Variants in WASHC4 observed in about 807,000 individuals in gnomAD.
The protein encoded by WASHC4 is WASH complex subunit 7.
In WASHC4, 86 loss-of-function variants were observed where a neutral mutation model predicts 166.6. The ratio of observed to expected loss-of-function variants is 0.52; its 90% CI spans 0.43 to 0.62. WASHC4 has a LOEUF of 0.62. WASHC4 is among the 20% of genes least tolerant of loss of function. The pLI is 0.00. For synonymous variants in WASHC4, 446 were observed against 451.6 expected, an observed-to-expected ratio of 0.99 and a Z score of 0.16; for missense variants, 1,262 against 1,382.4, an observed-to-expected ratio of 0.91 and a Z score of 1.38.
chr12:105,145,618 A>C (rs958950210), intron 22 of WASHC4, among the ~76,000 whole-genome samples: 8 of 152,094 alleles, frequency 5.3e-5, no homozygotes, highest in African/African-American at 1.9e-4. Flanking sequence ...AACTATGTTT[A>C]GGAATACAAA....
chr12:105,109,409 A>G (rs1438920364), intron 1 of WASHC4, among the ~76,000 whole-genome samples: 1 of 152,206 alleles, frequency 6.6e-6, no homozygotes, highest in Admixed American at 6.5e-5. Flanking sequence ...AAGATAAAAC[A>G]AGGAGTGCAG....
rs572588579 is a variant in WASHC4, at chr12:105,161,787, A to G, written c.3061-962A>G. Reference sequence around the variant, plus strand: ...CTTGGTTTTGTTTCCAGCGTAGGCTATTATAGTACTTAGCACACTGTATAT... The same window carrying G: ...CTTGGTTTTGTTTCCAGCGTAGGCTGTTATAGTACTTAGCACACTGTATAT... On this transcript the variant is annotated intron_variant, in intron 29 of 32. Transcript: ENST00000332180. Among the ~76,000 whole-genome samples, 5 of 152,326 alleles carry G rather than the reference A, an allele frequency of 3.3e-5. No homozygotes were observed. The South Asian group carries it at 6.2e-4, about 19-fold the overall frequency.
chr12:105,166,741 T>C (rs1357331643), intron 32 of WASHC4, 123 bp from the exon 33 acceptor site: 15 of 714,978 alleles, frequency 2.1e-5, no homozygotes, highest in Middle Eastern at 4.9e-4. Context: ...AGAGAAACAT[T>C]TGATGGATGC....
intron 6 of WASHC4, among the ~76,000 whole-genome samples, chr12:105,116,288 G>C (rs1880174625): frequency 6.6e-6 from 1 of 152,146 alleles, no homozygotes; most frequent in Non-Finnish European, 1.5e-5. Flanking sequence ...AATACCCATA[G>C]TCCCACCTCC....
chr12:105,165,300 G>A (rs1168236629), intron 32 of WASHC4, among the ~76,000 whole-genome samples: 1 of 152,208 alleles, frequency 6.6e-6, no homozygotes, highest in East Asian at 1.9e-4. Flanking sequence ...TGTATTCTAT[G>A]TAGGATGGTG....
chr12:105,152,310 TTA>T, intron 25 of WASHC4, 31 bp from the exon 26 acceptor site: 1 of 1,080,130 alleles, frequency 9.3e-7, no homozygotes, highest in East Asian at 2.4e-5. Context: ...TTAGAAATCT[TTA>T]TTAAAAGTAG....
At chr12:105,142,044 TTC>T (rs1373325037) in intron 18 of WASHC4, among the ~76,000 whole-genome samples, 5 of 151,908 alleles carry the variant, frequency 3.3e-5, no homozygotes, top group African/African-American at 1.2e-4. Context: ...AGATTTTTCT[TTC>T]CAACTTAGAG....
At chr12:105,118,936 G>T (rs1021787821) in intron 7 of WASHC4, among the ~76,000 whole-genome samples, 1 of 152,184 alleles carries the variant, frequency 6.6e-6, no homozygotes, top group African/African-American at 2.4e-5. Flanking sequence ...AAGAAATTTT[G>T]TGAGTAGTTC....
At chr12:105,161,834 TC>T (rs1243368177) in intron 29 of WASHC4, among the ~76,000 whole-genome samples, 1 of 152,242 alleles carries the variant, frequency 6.6e-6, no homozygotes, top group Non-Finnish European at 1.5e-5. Flanking sequence ...TTTAAACACT[TC>T]TGCATTTACT....
chr12:105,109,189 T>G (rs1017519209), intron 1 of WASHC4, among the ~76,000 whole-genome samples: 1 of 152,194 alleles, frequency 6.6e-6, no homozygotes, highest in Non-Finnish European at 1.5e-5. Context: ...TAATTTTTTT[T>G]TGTGGAGGGG....
At chr12:105,131,248 G>A (rs970081031) in intron 13 of WASHC4, among the ~76,000 whole-genome samples, 15 of 150,768 alleles carry the variant, frequency 9.9e-5, no homozygotes, top group Admixed American at 2.6e-4. Flanking sequence ...CACCGCGCCC[G>A]GCTAATTTTT....
intron 1 of WASHC4, among the ~76,000 whole-genome samples, chr12:105,108,093 T>A (rs1018524876): frequency 2.6e-5 from 4 of 152,086 alleles, no homozygotes; most frequent in Non-Finnish European, 5.9e-5. Context: ...AGGCGGAGAC[T>A]CTCCTGGGGA....
At chr12:105,164,439 T>G in intron 31 of WASHC4, 132 bp downstream of exon 31, 1 of 908,260 alleles carries the variant, frequency 1.1e-6, no homozygotes. Context: ...GCAAAAAGAT[T>G]ATATTTTAAA....
At chr12:105,116,126 A>G (rs1215726768) in intron 6 of WASHC4, among the ~76,000 whole-genome samples, 3 of 152,110 alleles carry the variant, frequency 2.0e-5, no homozygotes, top group Non-Finnish European at 2.9e-5. Flanking sequence ...AGCTTGTTTC[A>G]GTTTAGATAG....
rs374253707 is a variant in WASHC4, at chr12:105,141,042, A to C, written c.1704A>C (p.Gln568His). 1.5e-5 allele frequency: 24 copies of C among 1,614,060 alleles called. No individual in the cohort carries two copies. The highest frequency in any genetic ancestry group is 1.9e-5 in the Non-Finnish European group (22 of 1,180,014). Residue 568 changes from glutamine (Q) to histidine (H), a missense_variant, in exon 17 of 33, where the codon CAA becomes CAC. Gln to His is a conservative substitution (Grantham distance 24). Transcript: ENST00000332180. ...IVSLALSVGT[Q>H]MKTFKDEELF... ...CTTTGGCACTAAGTGTTGGCACACAAATGGTAAGTGTATTGCTATTACTTA... is the reference window on the plus strand; with the variant it reads ...CTTTGGCACTAAGTGTTGGCACACACATGGTAAGTGTATTGCTATTACTTA...
At chr12:105,140,858 A>G in intron 16 of WASHC4, 41 bp from the exon 17 acceptor site, 1 of 1,589,530 alleles carries the variant, frequency 6.3e-7, no homozygotes, top group African/African-American at 1.3e-5. Context: ...GTCTTTTGTT[A>G]CTGCCTCAGA....
rs1191583175 is a variant in WASHC4 at position 105,114,362 on chromosome 12, G to A, written c.256G>A (p.Val86Ile). Residue 86 changes from valine to isoleucine, a missense_variant and splice_region_variant, in exon 4 of 33, where the codon GTC (valine) becomes ATC (isoleucine). Coordinates refer to ENST00000332180, the MANE Select transcript of WASHC4 (RefSeq NM_015275.3). ...ATTTTGTTTTTACTCATGAAACTAG[G>A]TCTTAAACAAAGTCATCACTGTTTA... ...LLELIKTENK[V>I]LNKVITVYAA... is the part of the protein sequence containing the mutation. The A allele has an allele frequency of 6.3e-7, 1 of 1,599,892 alleles. No individual in the cohort carries two copies.
chr12:105,160,501 C>G (rs1481109151), intron 29 of WASHC4, among the ~76,000 whole-genome samples: 2 of 152,038 alleles, frequency 1.3e-5, no homozygotes, highest in Admixed American at 1.3e-4. Context: ...TGTGCACCAC[C>G]ATGCCTAATT....
rs1031414870 is a variant in WASHC4 at position 105,148,548 on chromosome 12, T to G, written c.2515-1067T>G. 15 of 985,196 alleles carry G rather than the reference T, an allele frequency of 1.5e-5. No individual in the cohort carries two copies. In the African/African-American group the frequency reaches 2.6e-4, roughly 17 times the overall value. 61.0% of individuals were successfully genotyped at this position (985,196 alleles called of 1,614,324 possible). A position where few individuals can be genotyped will look rare whatever the true frequency, so the allele number is the denominator to read the frequency against. On this transcript the variant is annotated intron_variant, in intron 24 of 32. Coordinates refer to ENST00000332180, the MANE Select transcript of WASHC4 (RefSeq NM_015275.3). ...AAGGATAGAAATCAGGATGGCAGAA[T>G]AGTTACCCACTATTAAGAGTGGAAA...
Sources: gnomAD v4.1 joint callset for allele counts (sites outside exome capture counted in the v4.1 genomes callset) on GRCh38, gnomAD v4.1.1 for gene constraint, MANE v1.5 for transcripts, NCBI Gene and HGNC (gene_info 2026-07-23, HGNC 2026-07-21) for gene names.